Variants in JMJD1C observed in about 807,000 individuals in gnomAD.
The protein encoded by JMJD1C is jumonji domain-containing protein 1C.
A neutral mutation model predicts 245.3 loss-of-function variants in JMJD1C; 31 were observed. That is an observed-to-expected ratio of 0.13 (90% CI 0.09 to 0.17). The LOEUF is 0.17. Among genes scored for constraint, JMJD1C ranks in the 10% least tolerant of loss-of-function variants. The pLI is 1.00. For synonymous variants in JMJD1C, 1,057 were observed against 1,017.4 expected (o/e 1.04, Z -0.74); for missense variants, 2,691 against 3,000.2 (o/e 0.90, Z 2.41).
intron 1 of JMJD1C, among the ~76,000 whole-genome samples, chr10:63,436,501 G>A (rs1435190071): frequency 6.6e-6 from 1 of 152,090 alleles, no homozygotes; most frequent in Non-Finnish European, 1.5e-5. Context: ...AATCTGAACA[G>A]CACATTATAC....
intron 2 of JMJD1C, among the ~76,000 whole-genome samples, chr10:63,272,667 T>C (rs1856442659): frequency 6.6e-6 from 1 of 152,200 alleles, no homozygotes; most frequent in Admixed American, 6.6e-5. Flanking sequence ...AAAGAATCTA[T>C]GTAAATAAAA....
chr10:63,180,408 G>C (rs923822985), intron 22 of JMJD1C, among the ~76,000 whole-genome samples: 1 of 152,088 alleles, frequency 6.6e-6, no homozygotes, highest in Non-Finnish European at 1.5e-5. Flanking sequence ...AGTTAAAGAG[G>C]GTCCTAATAA....
At chr10:63,400,570 C>G (rs1367611599) in intron 1 of JMJD1C, among the ~76,000 whole-genome samples, 1 of 152,030 alleles carries the variant, frequency 6.6e-6, no homozygotes, top group Admixed American at 6.6e-5. Flanking sequence ...TTCTGCCTTT[C>G]CCCCGGCCCC....
At chr10:63,257,475 T>C (rs1363011584) in intron 3 of JMJD1C, among the ~76,000 whole-genome samples, 1 of 152,196 alleles carries the variant, frequency 6.6e-6, no homozygotes, top group Non-Finnish European at 1.5e-5. Flanking sequence ...TTTTCACCTT[T>C]AACAAGTTCA....
At chr10:63,218,694 C>T (rs959975375) in intron 4 of JMJD1C, among the ~76,000 whole-genome samples, 4 of 151,816 alleles carry the variant, frequency 2.6e-5, no homozygotes, top group African/African-American at 9.7e-5. Context: ...TCTAAGGATA[C>T]AATGCAGAAA....
chr10:63,487,862 G>A (rs1173711928), intron 1 of JMJD1C, among the ~76,000 whole-genome samples: 2 of 152,202 alleles, frequency 1.3e-5, no homozygotes, highest in African/African-American at 4.8e-5. Context: ...ATCGTTTACT[G>A]TGAAGTTGTA....
intron 2 of JMJD1C, among the ~76,000 whole-genome samples, chr10:63,271,160 T>C (rs1856252143): frequency 6.6e-6 from 1 of 152,098 alleles, no homozygotes; most frequent in Admixed American, 6.5e-5. Flanking sequence ...AAGATGTATG[T>C]AAATAGTCTT....
In JMJD1C at chr10:63,184,570, A is replaced by AT. The variant is rs776458468; in HGVS notation, c.6961+37dup. The AT allele has an allele frequency of 7.1e-6, 11 of 1,559,386 alleles. No individual in the cohort carries two copies. The South Asian group carries it at 1.2e-4, about 17-fold the overall frequency. Reference sequence around the variant, plus strand: ...GAGCAAAAATTTTAAAAAATCCAATATAATTCCTACATGGGAGAAATGTGA... The same window carrying AT: ...GAGCAAAAATTTTAAAAAATCCAATATTAATTCCTACATGGGAGAAATGTGA... On this transcript the variant is annotated intron_variant, in intron 21 of 25. Coordinates refer to ENST00000399262, the MANE Select transcript of JMJD1C (RefSeq NM_032776.3).
At chr10:63,312,371 G>C (rs925658320) in intron 2 of JMJD1C, among the ~76,000 whole-genome samples, 1 of 152,006 alleles carries the variant, frequency 6.6e-6, no homozygotes, top group Non-Finnish European at 1.5e-5. Context: ...GCCTCCCCAA[G>C]TGCTGGGATT....
chr10:63,402,450 G>A (rs969325058), intron 1 of JMJD1C, among the ~76,000 whole-genome samples: 2 of 151,308 alleles, frequency 1.3e-5, no homozygotes, highest in African/African-American at 4.8e-5. Context: ...CTGATGATAT[G>A]TAACACTCAT....
intron 2 of JMJD1C, among the ~76,000 whole-genome samples, chr10:63,374,492 C>T (rs889814005): frequency 6.6e-6 from 1 of 152,126 alleles, no homozygotes; most frequent in African/African-American, 2.4e-5. Flanking sequence ...TGACTGAGGA[C>T]AATGGCAGTC....
At chr10:63,466,158 A>C (rs868717203), upstream of JMJD1C, 1 of 147,956 alleles carries the variant, frequency 6.8e-6, no homozygotes, top group Non-Finnish European at 1.3e-5. Context: ...CGGCGGCGGC[A>C]GCGGGAGACG....
intron 1 of JMJD1C, among the ~76,000 whole-genome samples, chr10:63,417,118 T>A (rs1225902305): frequency 1.3e-5 from 2 of 152,188 alleles, no homozygotes; most frequent in Non-Finnish European, 2.9e-5. Context: ...TGACGGCACC[T>A]ACTTTGAAAA....
At chr10:63,443,336 G>A (rs1951504904) in intron 1 of JMJD1C, among the ~76,000 whole-genome samples, 1 of 152,000 alleles carries the variant, frequency 6.6e-6, no homozygotes, top group Admixed American at 6.6e-5. Context: ...TTTTGACACA[G>A]GGTCTGACTC....
At position 63,207,499 on chromosome 10, in the gene JMJD1C, C is replaced by G; in HGVS notation, c.4170G>C (p.Thr1390=). The G allele has an allele frequency of 6.2e-7, 1 of 1,614,166 alleles. No homozygotes were observed. Among genetic ancestry groups the G allele is most frequent in the Non-Finnish European group, 8.5e-7 (1 of 1,180,020 alleles). ...TTACATCCGTTTTGGTATTACACAT[C>G]GTATTTACAGCAGACATGACTGAAC... ...VPSSVMSAVN[T]MCNTKTDVIT... Residue 1390 remains threonine (T), a synonymous_variant, in exon 10 of 26, where the codon ACG becomes ACC. Coordinates refer to ENST00000399262, the MANE Select transcript of JMJD1C (RefSeq NM_032776.3).
chr10:63,196,601 A>C (rs1273202317), intron 13 of JMJD1C, among the ~76,000 whole-genome samples: 1 of 152,198 alleles, frequency 6.6e-6, no homozygotes, highest in African/African-American at 2.4e-5. Flanking sequence ...ACTACTCTGA[A>C]AAAAGAGCGG....
intron 1 of JMJD1C, among the ~76,000 whole-genome samples, chr10:63,492,582 G>A (rs1954212023): frequency 6.6e-6 from 1 of 152,162 alleles, no homozygotes; most frequent in African/African-American, 2.4e-5. Flanking sequence ...TCTGAGGCAT[G>A]AGAACCACCT....
intron 1 of JMJD1C, among the ~76,000 whole-genome samples, chr10:63,463,253 C>T (rs960482394): frequency 2.6e-5 from 4 of 152,054 alleles, no homozygotes; most frequent in African/African-American, 9.7e-5. Context: ...CAGTCTCAAC[C>T]TCACTGAGCT....
chr10:63,189,076 C>T, intron 18 of JMJD1C, 92 bp downstream of exon 18: 3 of 1,047,286 alleles, frequency 2.9e-6, no homozygotes, highest in South Asian at 2.2e-5. Context: ...ACTATTTTTC[C>T]CCCCTCCATT....
Sources: gnomAD v4.1 joint callset for allele counts (sites outside exome capture counted in the v4.1 genomes callset) on GRCh38, gnomAD v4.1.1 for gene constraint, MANE v1.5 for transcripts, NCBI Gene and HGNC (gene_info 2026-07-23, HGNC 2026-07-21) for gene names.